The following APBA3 variants were observed in gnomAD, a reference collection of about 807,000 sequenced individuals.
APBA3 encodes amyloid beta precursor protein binding family A member 3.
Under a neutral mutation model 55.9 loss-of-function variants are expected in APBA3, and 45 were observed. The ratio of observed to expected loss-of-function variants is 0.80; its 90% confidence interval spans 0.63 to 1.03. The LOEUF is 1.03. Ranked by LOEUF, APBA3 falls within the 50% of genes least tolerant of loss-of-function variation. APBA3 has a pLI of 0.00. For synonymous variants in APBA3, 370 were observed against 353.3 expected, an observed-to-expected ratio of 1.05 and a Z score of -0.53; for missense variants, 865 against 820.3, an observed-to-expected ratio of 1.05 and a Z score of -0.67.
chr19:3,759,718 T>G lies in APBA3; in HGVS notation c.547A>C (p.Thr183Pro). Residue 183 changes from threonine to proline, a missense_variant, in exon 2 of 11, where the codon ACA becomes CCA. Thr to Pro is a conservative substitution (Grantham distance 38, BLOSUM62 -1). Coordinates refer to ENST00000316757, the MANE Select transcript of APBA3 (RefSeq NM_004886.4). The stretch of plus-strand genomic sequence containing the variant: ...GCACCAGCGGGTGGCTCTTCAGGTG[T>G]GACTAGAGGCACCGTCTCCAGCCAG... The part of the protein sequence containing the change: ...EPWLETVPLV[T>P]PEEPPAGAQS... The G allele has an allele frequency of 3.1e-6, 5 of 1,612,484 alleles. No individual in the cohort carries two copies. The highest frequency in any genetic ancestry group is 4.2e-6 in the Non-Finnish European group (5 of 1,179,752).
intron 3 of APBA3, chr19:3,755,562 G>T (rs934854241): frequency 7.5e-6 from 1 of 134,206 alleles, no homozygotes; most frequent in Non-Finnish European, 1.6e-5. Context: ...AGGAGGCCGG[G>T]GGGGGGGGGT....
At position 3,760,279 on chromosome 19, in the gene APBA3, C is replaced by A. The variant is rs2037129654; in HGVS notation, c.-15G>T. ...GGGAAGTCCATGCCTGGACTCCAGG[C>A]TTAGGCCGGCATCTTCAGGCAGCTG... On this transcript the variant is annotated 5_prime_UTR_variant, in exon 2 of 11. Coordinates refer to ENST00000316757, the MANE Select transcript of APBA3 (RefSeq NM_004886.4). 3.2e-6 allele frequency: 5 copies of A among 1,576,292 alleles called. No individual in the cohort carries two copies. In the East Asian group the frequency reaches 1.1e-4, roughly 35 times the overall value.
intron 8 of APBA3, chr19:3,752,002 G>A (rs1213106258): frequency 1.0e-5 from 2 of 197,390 alleles, no homozygotes; most frequent in Admixed American, 1.1e-4. Context: ...TTGAGGCCAG[G>A]AGCTCAAGAC....
chr19:3,760,051 CCAGATCGCCTGG>C lies in APBA3; in HGVS notation c.202_213del (p.Pro68_Leu71del), dbSNP rs760322847. On this transcript the variant is annotated inframe_deletion, in exon 2 of 11. Coordinates refer to ENST00000316757, the MANE Select transcript of APBA3 (RefSeq NM_004886.4). Reference sequence around the variant, plus strand: ...GGGGCTCCACCTGGGGATGGGCCCACCAGATCGCCTGGCAGAGCTTCAAACTGCTGCACCAGC... The same window carrying C: ...GGGGCTCCACCTGGGGATGGGCCCACCAGAGCTTCAAACTGCTGCACCAGC... The C allele has an allele frequency of 2.4e-5, 39 of 1,613,186 alleles. No individual in the cohort carries two copies. The highest frequency in any genetic ancestry group is 2.9e-5 in the Non-Finnish European group (34 of 1,180,020).
intron 3 of APBA3, among the ~76,000 whole-genome samples, chr19:3,758,650 C>A (rs568194275): frequency 4.6e-5 from 7 of 152,094 alleles, no homozygotes; most frequent in African/African-American, 1.4e-4. Context: ...GAGGCCAAGG[C>A]GGGCGGATCA....
chr19:3,755,518 G>A (rs2037065482), intron 3 of APBA3: 1 of 148,246 alleles, frequency 6.7e-6, no homozygotes, highest in South Asian at 2.2e-4. Flanking sequence ...TCCTGGCTGG[G>A]TGCGGTGGCT....
chr19:3,753,299 G>C, intron 6 of APBA3: 1 of 478,232 alleles, frequency 2.1e-6, no homozygotes, highest in Non-Finnish European at 3.7e-6. Context: ...TGGGTGGCAG[G>C]GACAGCCCAG....
chr19:3,753,774 G>A lies in APBA3; in HGVS notation c.1002C>T (p.Tyr334=), dbSNP rs758034867. The A allele has an allele frequency of 9.1e-6, 14 of 1,545,944 alleles. No homozygotes were observed. Among genetic ancestry groups the A allele is most frequent in the Middle Eastern group, 1.7e-4 (1 of 5,902 alleles). Residue 334 remains tyrosine (Y), a synonymous_variant, in exon 6 of 11, where the codon TAC becomes TAT. Transcript: ENST00000316757. ...CGCCCTGGCTGCTCACGTCCTCCGC[G>A]TAGAATACGTGGCAGAGCATCTTGT... The part of the protein sequence containing the change: ...RLYKMLCHVF[Y]AEDAQLIAQA...
In APBA3 at chr19:3,754,185, GC is replaced by G. The variant is rs1568393607; in HGVS notation, c.762+9del. The G allele has an allele frequency of 1.9e-6, 3 of 1,541,304 alleles. No individual in the cohort carries two copies. Among genetic ancestry groups the G allele is most frequent in the Admixed American group, 4.0e-5 (2 of 49,510 alleles). On this transcript the variant is annotated intron_variant, in intron 4 of 10. Transcript: ENST00000316757. ...CCCGCCTGCCCGCCCGGCCCCGGCC[GC>G]CCCCTCACCTTGACGCGGTCCATGG...
In APBA3 at chr19:3,751,175, C is replaced by G; in HGVS notation, c.1656+14G>C. 6.4e-7 allele frequency: 1 copy of G among 1,552,876 alleles called. No homozygotes were observed. The highest frequency in any genetic ancestry group is 8.7e-7 in the Non-Finnish European group (1 of 1,148,678). ...CGTGGGGGCGCCCCTGGCCACCACC[C>G]ACCACCCGCACACCTCGCCATAGGC... On this transcript the variant is annotated intron_variant, in intron 10 of 10. Transcript: ENST00000316757.
intron 8 of APBA3, 26 bp downstream of exon 8, chr19:3,752,482 G>A: frequency 6.5e-7 from 1 of 1,537,496 alleles, no homozygotes; most frequent in Non-Finnish European, 8.7e-7. Context: ...GGGAGTGTGG[G>A]GGCCCTGCCA....
chr19:3,756,559 ATTAAAG>A (rs750857783), intron 3 of APBA3: 3 of 152,226 alleles, frequency 2.0e-5, no homozygotes, highest in Non-Finnish European at 4.4e-5. Flanking sequence ...TTAAAATGTT[ATTAAAG>A]TTAATTTCTT....
At chr19:3,751,139 C>T in intron 10 of APBA3, 42 bp from the exon 11 acceptor site, 1 of 1,558,324 alleles carries the variant, frequency 6.4e-7, no homozygotes, top group Non-Finnish European at 8.7e-7. Flanking sequence ...CAGGCCTGGG[C>T]TCGTGGGGGA....
rs1389915405 is a variant in APBA3, at chr19:3,760,232, C to T, written c.33G>A (p.Ser11=). The change falls in exon 2 of 11, where the codon TCG becomes TCA. Residue 11 remains serine, a synonymous_variant. Transcript: ENST00000316757. MDFPTISRSP[S]GPPAMDLEGP... ...CCTCCAAGTCCATGGCTGGAGGCCC[C>T]GAAGGGGATCGGGAAATTGTGGGGA... The T allele has an allele frequency of 6.2e-6, 10 of 1,605,864 alleles. No individual in the cohort carries two copies. The highest frequency in any genetic ancestry group is 5.4e-5 in the African/African-American group (4 of 74,710).
At chr19:3,758,181 A>T (rs571161909) in intron 3 of APBA3, among the ~76,000 whole-genome samples, 4 of 151,704 alleles carry the variant, frequency 2.6e-5, no homozygotes, top group Non-Finnish European at 5.9e-5. Flanking sequence ...TGATCTGCCC[A>T]CCTTGGCCTC....
intron 3 of APBA3, among the ~76,000 whole-genome samples, chr19:3,757,269 G>T (rs992487187): frequency 6.6e-6 from 1 of 151,016 alleles, no homozygotes; most frequent in African/African-American, 2.4e-5. Flanking sequence ...GGCTAATTTT[G>T]GGGGGGGATT....
intron 3 of APBA3, chr19:3,755,141 T>G (rs2037061680): frequency 6.6e-6 from 1 of 152,210 alleles, no homozygotes; most frequent in Admixed American, 6.6e-5. Context: ...GTAGAACCAC[T>G]CAGAACAGAG....
rs759634597 is a variant in APBA3 at position 3,753,764 on chromosome 19, C to T, written c.1011+1G>A. 14 of 1,517,648 alleles carry T rather than the reference C, an allele frequency of 9.2e-6. No individual in the cohort carries two copies. The highest frequency in any genetic ancestry group is 2.1e-5 in the Admixed American group (1 of 46,642). 94.0% of individuals were successfully genotyped at this position (1,517,648 alleles called of 1,614,324 possible). On this transcript the variant is annotated splice_donor_variant, in intron 6 of 10. Coordinates refer to ENST00000316757, the MANE Select transcript of APBA3 (RefSeq NM_004886.4). LOFTEE classifies it high-confidence loss of function. ...GGTGGCCCCGCGCCCTGGCTGCTCA[C>T]GTCCTCCGCGTAGAATACGTGGCAG...
Position 3,753,810 on chromosome 19 carries a change from G to T in APBA3, c.966C>A (p.Gly322=), listed in dbSNP as rs1194085358. The part of the protein sequence containing the change: ...LARRPAPQDH[G]RRLYKMLCHV... Reference sequence around the variant, plus strand: ...GGCAGAGCATCTTGTAGAGGCGGCGGCCGTGGTCCTGGGGTGCCGGCCTCC... The same window carrying T: ...GGCAGAGCATCTTGTAGAGGCGGCGTCCGTGGTCCTGGGGTGCCGGCCTCC... Residue 322 remains glycine (G), a synonymous_variant, in exon 6 of 11, where the codon GGC becomes GGA. Coordinates refer to ENST00000316757, the MANE Select transcript of APBA3 (RefSeq NM_004886.4). 2 of 1,573,352 alleles carry T rather than the reference G, an allele frequency of 1.3e-6. No homozygotes were observed. The highest frequency in any genetic ancestry group is 1.7e-6 in the Non-Finnish European group (2 of 1,162,046).
Sources: gnomAD v4.1 joint callset for allele counts (sites outside exome capture counted in the v4.1 genomes callset) on GRCh38, gnomAD v4.1.1 for gene constraint, MANE v1.5 for transcripts, NCBI Gene and HGNC (gene_info 2026-07-23, HGNC 2026-07-21) for gene names.